Variants in KCNIP4 observed in about 807,000 individuals in gnomAD.
KCNIP4 encodes the protein Kv channel-interacting protein 4.
In KCNIP4, 12 loss-of-function variants were observed where a neutral mutation model predicts 34.0. That is an observed-to-expected ratio of 0.35 (90% CI 0.23 to 0.57). The LOEUF (loss-of-function observed/expected upper bound fraction) is 0.57. Ranked by LOEUF, KCNIP4 falls within the 20% of genes least tolerant of loss-of-function variation. The pLI, the probability that KCNIP4 is intolerant of heterozygous loss-of-function variation, is 0.83. For synonymous variants in KCNIP4, 124 were observed against 102.2 expected (o/e 1.21, Z -1.29); for missense variants, 238 against 311.7 (o/e 0.76, Z 1.78).
intron 1 of KCNIP4, among the ~76,000 whole-genome samples, chr4:21,836,914 A>ATTTTTTTTTTTTTTTT (rs201730191): frequency 1.6e-5 from 2 of 123,538 alleles, no homozygotes; most frequent in Non-Finnish European, 1.6e-5. Flanking sequence ...GCTGGGATAA[A>ATTTTTTTTTTTTTTTT]TTTTTTTTTT....
intron 1 of KCNIP4, chr4:21,609,072 T>G (rs528371706): frequency 6.6e-5 from 10 of 152,306 alleles, no homozygotes; most frequent in African/African-American, 2.2e-4. Context: ...CTGACTTTCC[T>G]GGGAGAATTT....
chr4:21,127,239 G>A (rs1750696694), intron 1 of KCNIP4, among the ~76,000 whole-genome samples: 1 of 152,174 alleles, frequency 6.6e-6, no homozygotes, highest in African/African-American at 2.4e-5. Context: ...CCCATTACCA[G>A]AGGGAGTGTG....
At chr4:21,523,563 C>G (rs189257543) in intron 1 of KCNIP4, among the ~76,000 whole-genome samples, 2 of 151,382 alleles carry the variant, frequency 1.3e-5, no homozygotes, top group Non-Finnish European at 1.5e-5. Context: ...CTTCCTTTTA[C>G]TTTCCTTCTT....
chr4:21,590,489 T>C (rs979371060), intron 1 of KCNIP4, among the ~76,000 whole-genome samples: 4 of 151,742 alleles, frequency 2.6e-5, no homozygotes, highest in African/African-American at 7.3e-5. Flanking sequence ...AGACAGGTTG[T>C]ATATCCATGA....
intron 3 of KCNIP4, among the ~76,000 whole-genome samples, chr4:20,787,279 C>G (rs1712130910): frequency 6.6e-6 from 1 of 152,086 alleles, no homozygotes; most frequent in Non-Finnish European, 1.5e-5. Flanking sequence ...GCCTACATCT[C>G]TCAACAAATT....
chr4:21,422,658 TTTG>T (rs1725580082), intron 1 of KCNIP4, among the ~76,000 whole-genome samples: 1 of 123,416 alleles, frequency 8.1e-6, no homozygotes, highest in Non-Finnish European at 1.7e-5. Context: ...TATGTGTGTG[TTTG>T]TGTGTGTGTG....
At chr4:21,456,672 A>G (rs1434256205) in intron 1 of KCNIP4, among the ~76,000 whole-genome samples, 1 of 130,190 alleles carries the variant, frequency 7.7e-6, no homozygotes, top group African/African-American at 3.7e-5. Context: ...TTTGCCCAGT[A>G]AGTCGCGTAT....
At chr4:21,307,769 G>A (rs544897420) in intron 1 of KCNIP4, among the ~76,000 whole-genome samples, 1 of 152,086 alleles carries the variant, frequency 6.6e-6, no homozygotes, top group South Asian at 2.1e-4. Context: ...TTTTTTTTAG[G>A]AAGTCCTATT....
chr4:21,335,942 T>C (rs1307340634), intron 1 of KCNIP4, among the ~76,000 whole-genome samples: 1 of 152,178 alleles, frequency 6.6e-6, no homozygotes, highest in Non-Finnish European at 1.5e-5. Flanking sequence ...CTCTACTTTC[T>C]CTGTCCTTAT....
rs570669367 is a variant in KCNIP4 at position 20,886,545 on chromosome 4, A to T, written c.62-3836T>A. On this transcript the variant is annotated intron_variant, in intron 1 of 8. Coordinates refer to ENST00000382152, the MANE Select transcript of KCNIP4 (RefSeq NM_025221.6). ...CCAATGCTTAGCAGGCAGGGCTGAG[A>T]ATGGAATGAAATAACACAAGCCACA... is the stretch of plus-strand genomic sequence containing the variant. 2.0e-5 allele frequency among the ~76,000 whole-genome samples: 3 copies of T among 152,302 alleles called. No homozygotes were observed. The East Asian group carries it at 5.8e-4, about 29-fold the overall frequency.
chr4:21,406,191 T>G (rs1723976018), intron 1 of KCNIP4, among the ~76,000 whole-genome samples: 1 of 152,150 alleles, frequency 6.6e-6, no homozygotes, highest in African/African-American at 2.4e-5. Context: ...TGAAAGTCAA[T>G]GCTTCTCGGC....
At chr4:21,544,945 C>T (rs1375886798) in intron 1 of KCNIP4, among the ~76,000 whole-genome samples, 1 of 152,092 alleles carries the variant, frequency 6.6e-6, no homozygotes, top group Non-Finnish European at 1.5e-5. Context: ...ACTAGAACGA[C>T]TCCATCTTGA....
At chr4:21,091,858 A>G (rs1035485549) in intron 1 of KCNIP4, among the ~76,000 whole-genome samples, 1 of 152,188 alleles carries the variant, frequency 6.6e-6, no homozygotes, top group African/African-American at 2.4e-5. Context: ...CCCACCTCCT[A>G]GTATTATCAC....
chr4:21,794,896 A>T (rs1022634678), intron 1 of KCNIP4, among the ~76,000 whole-genome samples: 3 of 152,040 alleles, frequency 2.0e-5, no homozygotes, highest in Non-Finnish European at 1.5e-5. Flanking sequence ...AAACCAAAAA[A>T]CGAACAAACA....
At chr4:20,737,846 A>G (rs900485884) in intron 5 of KCNIP4, among the ~76,000 whole-genome samples, 10 of 152,248 alleles carry the variant, frequency 6.6e-5, no homozygotes, top group African/African-American at 2.4e-4. Context: ...TTGCACAACC[A>G]GCAGGCTGGG....
At chr4:20,822,870 G>C (rs936514707) in intron 3 of KCNIP4, among the ~76,000 whole-genome samples, 1 of 152,036 alleles carries the variant, frequency 6.6e-6, no homozygotes, top group Admixed American at 6.6e-5. Flanking sequence ...TCAGGAATAG[G>C]GTTACTACTC....
intron 1 of KCNIP4, among the ~76,000 whole-genome samples, chr4:21,406,665 C>G (rs1349679560): frequency 6.6e-6 from 1 of 152,130 alleles, no homozygotes; most frequent in Non-Finnish European, 1.5e-5. Flanking sequence ...GCTGAATTAG[C>G]CATCTTGTTC....
chr4:21,536,576 C>T (rs1044622705), intron 1 of KCNIP4, among the ~76,000 whole-genome samples: 2 of 151,996 alleles, frequency 1.3e-5, no homozygotes, highest in Non-Finnish European at 2.9e-5. Flanking sequence ...GCCAGGACTT[C>T]GAGAACAGTC....
chr4:20,967,847 T>C (rs889065498), intron 1 of KCNIP4, among the ~76,000 whole-genome samples: 4 of 152,098 alleles, frequency 2.6e-5, no homozygotes, highest in African/African-American at 9.7e-5. Flanking sequence ...ACCTAGGCAA[T>C]ACCATTCAGG....
Sources: gnomAD v4.1 joint callset for allele counts (sites outside exome capture counted in the v4.1 genomes callset) on GRCh38, gnomAD v4.1.1 for gene constraint, MANE v1.5 for transcripts, NCBI Gene and HGNC (gene_info 2026-07-23, HGNC 2026-07-21) for gene names.